The following MSRA variants were observed in gnomAD, a reference collection of about 807,000 sequenced individuals.
The protein encoded by MSRA is mitochondrial peptide methionine sulfoxide reductase.
In MSRA, 54 loss-of-function variants were observed where a neutral mutation model predicts 31.3. The observed-to-expected ratio is 1.73, with a 90% CI of 1.39 to 2.17. The LOEUF (loss-of-function observed/expected upper bound fraction) is 2.17, where lower values mean the gene tolerates loss of function less well. Among genes scored for constraint, MSRA ranks in the 30% most tolerant of loss-of-function variants. The pLI is 0.00. For missense variants in MSRA, 507 were observed against 300.9 expected, an observed-to-expected ratio of 1.69 and a Z score of -5.07; for synonymous variants, 169 against 116.5, an observed-to-expected ratio of 1.45 and a Z score of -2.90.
intron 1 of MSRA, among the ~76,000 whole-genome samples, chr8:10,195,973 C>T (rs2129055288): frequency 6.6e-6 from 1 of 152,272 alleles, no homozygotes; most frequent in East Asian, 1.9e-4. Context: ...TGGTCTGGAA[C>T]AGATTGGAAG....
At chr8:10,279,177 G>A (rs1283982067) in intron 3 of MSRA, among the ~76,000 whole-genome samples, 1 of 152,176 alleles carries the variant, frequency 6.6e-6, no homozygotes, top group East Asian at 1.9e-4. Flanking sequence ...AGTAAAAGTA[G>A]GGAATGTAAT....
chr8:10,329,859 A>C (rs1802589704), intron 5 of MSRA, among the ~76,000 whole-genome samples: 1 of 151,774 alleles, frequency 6.6e-6, no homozygotes, highest in Admixed American at 6.6e-5. Context: ...GAAAATTTGC[A>C]AAAGTTTATC....
intron 1 of MSRA, among the ~76,000 whole-genome samples, chr8:10,077,756 C>T (rs1044924699): frequency 1.2e-4 from 19 of 152,174 alleles, no homozygotes; most frequent in African/African-American, 4.1e-4. Flanking sequence ...TCCTGTCCTT[C>T]TGGAAGCCCT....
chr8:10,149,698 C>G (rs1025941502), intron 1 of MSRA, among the ~76,000 whole-genome samples: 2 of 151,672 alleles, frequency 1.3e-5, no homozygotes, highest in Non-Finnish European at 2.9e-5. Context: ...GTATGGAGTT[C>G]TCTTTAGAAA....
intron 3 of MSRA, among the ~76,000 whole-genome samples, chr8:10,295,962 A>T (rs1800518710): frequency 6.6e-6 from 1 of 152,202 alleles, no homozygotes; most frequent in Non-Finnish European, 1.5e-5. Context: ...TGGATTAAAC[A>T]CTTGCTCATT....
chr8:10,095,666 T>C (rs932959668), intron 1 of MSRA: 2 of 1,006,440 alleles, frequency 2.0e-6, no homozygotes, highest in African/African-American at 3.4e-5. Context: ...CTTTCTCGGC[T>C]TGAGCTTCAG....
At chr8:10,257,918 A>T (rs1798267511) in intron 3 of MSRA, among the ~76,000 whole-genome samples, 1 of 152,234 alleles carries the variant, frequency 6.6e-6, no homozygotes, top group Non-Finnish European at 1.5e-5. Context: ...TCTTGTTAAG[A>T]AGCAGGAGAT....
At chr8:10,137,448 G>A (rs969620604) in intron 1 of MSRA, among the ~76,000 whole-genome samples, 1 of 152,022 alleles carries the variant, frequency 6.6e-6, no homozygotes, top group Non-Finnish European at 1.5e-5. Context: ...ACCTGGAATC[G>A]GTATTTATTT....
At chr8:10,067,700 A>G (rs77381252) in intron 1 of MSRA, among the ~76,000 whole-genome samples, 2,350 of 152,084 alleles carry the variant, frequency 0.015, 24 homozygotes, top group Non-Finnish European at 0.021. Context: ...AGTGCTTTGG[A>G]TTTTAGCTAT....
intron 5 of MSRA, among the ~76,000 whole-genome samples, chr8:10,327,307 A>C (rs1224407089): frequency 1.3e-5 from 2 of 152,148 alleles, no homozygotes; most frequent in African/African-American, 4.8e-5. Flanking sequence ...ACAATCTTTA[A>C]ATATTTGCCA....
chr8:10,211,039 A>G (rs981734276), intron 2 of MSRA, among the ~76,000 whole-genome samples: 2 of 152,034 alleles, frequency 1.3e-5, no homozygotes, highest in Admixed American at 6.6e-5. Context: ...CCCGGCCACA[A>G]TGTCGTTATC....
At chr8:10,292,286 T>G (rs139465028) in intron 3 of MSRA, among the ~76,000 whole-genome samples, 36 of 152,278 alleles carry the variant, frequency 2.4e-4, no homozygotes, top group African/African-American at 7.9e-4. Context: ...GGTGGGCAGA[T>G]GCAGCACGAG....
At chr8:10,339,050 A>C (rs1311056375) in intron 5 of MSRA, among the ~76,000 whole-genome samples, 1 of 151,916 alleles carries the variant, frequency 6.6e-6, no homozygotes, top group African/African-American at 2.4e-5. Context: ...CCATTTTTTA[A>C]TTCACTGGGT....
chr8:10,054,381 AGCGCCCCGCGCCCGCCCGCCC>A lies in MSRA; in HGVS notation c.-128_-108del. ...ACGGGCGGCCTCCAGCCCCGCCAGCAGCGCCCCGCGCCCGCCCGCCCGCGCCCCTGCCGCCCCCCGGTTCCG... is the reference window on the plus strand; with the variant it reads ...ACGGGCGGCCTCCAGCCCCGCCAGCAGCGCCCCTGCCGCCCCCCGGTTCCG... On this transcript the variant is annotated 5_prime_UTR_variant, in exon 1 of 6. Coordinates refer to ENST00000317173, the MANE Select transcript of MSRA (RefSeq NM_012331.5). 1.2e-6 allele frequency: 1 copy of A among 842,850 alleles called. No individual in the cohort carries two copies. The highest frequency in any genetic ancestry group is 1.6e-6 in the Non-Finnish European group (1 of 630,292). 52.2% of individuals were successfully genotyped at this position (842,850 alleles called of 1,614,324 possible). A position where few individuals can be genotyped will look rare whatever the true frequency, so the allele number is the denominator to read the frequency against.
At chr8:10,412,392 C>T (rs553479412) in intron 5 of MSRA, among the ~76,000 whole-genome samples, 4 of 152,264 alleles carry the variant, frequency 2.6e-5, no homozygotes, top group African/African-American at 9.6e-5. Context: ...GTGTGCTGAA[C>T]CAACTGAAAA....
intron 5 of MSRA, among the ~76,000 whole-genome samples, chr8:10,357,710 C>T (rs1388666492): frequency 6.6e-6 from 1 of 152,174 alleles, no homozygotes; most frequent in Admixed American, 6.5e-5. Context: ...CCAGCTGGGG[C>T]AGCATGGATG....
intron 5 of MSRA, chr8:10,336,737 G>T (rs1000664319): frequency 7.9e-5 from 12 of 152,074 alleles, no homozygotes; most frequent in African/African-American, 2.2e-4. Context: ...TTAGAGATAG[G>T]TTATTTTTAC....
chr8:10,056,215 A>AAAT (rs1211912816), intron 1 of MSRA, among the ~76,000 whole-genome samples: 2 of 151,328 alleles, frequency 1.3e-5, no homozygotes, highest in Non-Finnish European at 2.9e-5. Flanking sequence ...AAAAAAAAAA[A>AAAT]AAAAAACCCC....
chr8:10,347,353 C>G (rs912768744), intron 5 of MSRA, among the ~76,000 whole-genome samples: 2 of 152,182 alleles, frequency 1.3e-5, no homozygotes, highest in Non-Finnish European at 2.9e-5. Context: ...ATTCCACTTG[C>G]ATCTCAAAAT....
Sources: gnomAD v4.1 joint callset for allele counts (sites outside exome capture counted in the v4.1 genomes callset) on GRCh38, gnomAD v4.1.1 for gene constraint, MANE v1.5 for transcripts, NCBI Gene and HGNC (gene_info 2026-07-23, HGNC 2026-07-21) for gene names.